The following SHROOM2 variants were observed in gnomAD, a reference collection of about 807,000 sequenced individuals.
SHROOM2 encodes the protein protein Shroom2.
Under a neutral mutation model 75.9 loss-of-function variants are expected in SHROOM2, and 33 were observed. The observed-to-expected ratio is 0.43, with a 90% CI of 0.33 to 0.58. The LOEUF is 0.58. Ranked by LOEUF, SHROOM2 falls within the 20% of genes least tolerant of loss-of-function variation. SHROOM2 has a pLI of 0.04. For missense variants in SHROOM2, 1,434 were observed against 1,461.2 expected (o/e 0.98, Z 0.30); for synonymous variants, 655 against 663.6 (o/e 0.99, Z 0.20).
rs1306327763 is a variant in SHROOM2, at chrX:9,914,067, G to GCC, written c.2891+15783_2891+15784dup. On this transcript the variant is annotated intron_variant, in intron 5 of 9. Coordinates refer to ENST00000380913, the MANE Select transcript of SHROOM2 (RefSeq NM_001649.4). Reference sequence around the variant, plus strand: ...CGCCTCCACCTGCGCCCACCCCCCTGCCCCCCCGCCCCTCCCGCCCCGATC... The same window carrying GCC: ...CGCCTCCACCTGCGCCCACCCCCCTGCCCCCCCCCGCCCCTCCCGCCCCGATC... 3.6e-4 allele frequency among the ~76,000 whole-genome samples: 8 copies of GCC among 22,189 alleles called. No individual in the cohort carries two copies. The East Asian group carries it at 9.8e-3, about 27-fold the overall frequency. The allele number at this position is 22,189 out of a possible 115,157, so 19.3% of individuals were successfully genotyped here.
In SHROOM2 at chrX:9,949,355, G is replaced by A. The variant is rs766613239; in HGVS notation, c.*2418G>A. Reference sequence around the variant, plus strand: ...CTTCAGTCCACCACAGCAAATGTGTGTAGATTTCATGCTCGACACTTACCA... The same window carrying A: ...CTTCAGTCCACCACAGCAAATGTGTATAGATTTCATGCTCGACACTTACCA... On this transcript the variant is annotated 3_prime_UTR_variant, in exon 10 of 10. Coordinates refer to ENST00000380913, the MANE Select transcript of SHROOM2 (RefSeq NM_001649.4). The A allele has an allele frequency of 6.1e-6, 2 of 329,036 alleles. No individual in the cohort carries two copies. The highest frequency in any genetic ancestry group is 2.0e-4 in the East Asian group (2 of 10,254). 27.1% of individuals were successfully genotyped at this position (329,036 alleles called of 1,213,427 possible). A position where few individuals can be genotyped will look rare whatever the true frequency, so the allele number is the denominator to read the frequency against.
chrX:9,943,628 C>A (rs2084791256), intron 8 of SHROOM2, among the ~76,000 whole-genome samples: 1 of 111,782 alleles, frequency 8.9e-6, no homozygotes, highest in Admixed American at 9.5e-5. Flanking sequence ...ATGGTGGTGA[C>A]AGGTGCATCG....
intron 6 of SHROOM2, among the ~76,000 whole-genome samples, chrX:9,933,866 TTTCTGTCTCA>T (rs2084674338): frequency 1.8e-5 from 2 of 112,303 alleles, no homozygotes; most frequent in Non-Finnish European, 3.8e-5. Context: ...AAGGGGAGAA[TTTCTGTCTCA>T]TTCTCTGGAG....
chrX:9,790,604 C>T (rs2083642141), intron 1 of SHROOM2, among the ~76,000 whole-genome samples: 1 of 111,108 alleles, frequency 9.0e-6, no homozygotes, highest in South Asian at 3.8e-4. Flanking sequence ...AAGTGATGTC[C>T]GAGTTGTAAA....
rs1212064507 is a variant in SHROOM2 at position 9,949,300 on chromosome X, GCCTA to G, written c.*2364_*2367del. ...TTGTAGTGTGGCTGTGGAGGGCTCTGCCTATGGGGGGTGGCCTGTGGCTTGTATC... is the reference window on the plus strand; with the variant it reads ...TTGTAGTGTGGCTGTGGAGGGCTCTGTGGGGGGTGGCCTGTGGCTTGTATC... On this transcript the variant is annotated 3_prime_UTR_variant, in exon 10 of 10. Transcript: ENST00000380913. 6.1e-6 allele frequency: 2 copies of G among 330,406 alleles called. No individual in the cohort carries two copies. Among genetic ancestry groups the G allele is most frequent in the Non-Finnish European group, 1.2e-5 (2 of 169,908 alleles). The allele number at this position is 330,406 out of a possible 1,213,427, so 27.2% of individuals were successfully genotyped here.
intron 1 of SHROOM2, among the ~76,000 whole-genome samples, chrX:9,835,727 G>GTT (rs5901419): frequency 2.1e-5 from 2 of 95,936 alleles, no homozygotes; most frequent in Non-Finnish European, 2.1e-5. Flanking sequence ...CTCTCTTCAT[G>GTT]TTTTTTTTTT....
At chrX:9,817,231 C>T (rs184559058) in intron 1 of SHROOM2, among the ~76,000 whole-genome samples, 4 of 110,212 alleles carry the variant, frequency 3.6e-5, no homozygotes, top group Non-Finnish European at 7.6e-5. Flanking sequence ...CCTCGGCCTC[C>T]CAAAGTGCTG....
intron 1 of SHROOM2, among the ~76,000 whole-genome samples, chrX:9,808,908 A>T (rs1225206082): frequency 9.1e-6 from 1 of 110,497 alleles, no homozygotes; most frequent in Non-Finnish European, 1.9e-5. Flanking sequence ...CATGTCACAA[A>T]ATTCGCCATG....
intron 1 of SHROOM2, among the ~76,000 whole-genome samples, chrX:9,797,039 C>G (rs1384171538): frequency 8.9e-6 from 1 of 112,202 alleles, no homozygotes; most frequent in East Asian, 2.8e-4. Context: ...TTTCTTCACT[C>G]TTTCAATCTT....
chrX:9,846,155 T>A (rs1376850614), intron 1 of SHROOM2, among the ~76,000 whole-genome samples: 1 of 109,914 alleles, frequency 9.1e-6, no homozygotes, highest in Non-Finnish European at 1.9e-5. Flanking sequence ...GATCTCACTC[T>A]GTTGCCCAGG....
At chrX:9,845,066 G>A (rs928510193) in intron 1 of SHROOM2, among the ~76,000 whole-genome samples, 2 of 110,748 alleles carry the variant, frequency 1.8e-5, no homozygotes, top group Non-Finnish European at 3.8e-5. Context: ...GTTCTCTGTG[G>A]GACTCCTCAG....
intron 1 of SHROOM2, among the ~76,000 whole-genome samples, chrX:9,839,155 A>C (rs1329367755): frequency 9.0e-6 from 1 of 111,502 alleles, no homozygotes; most frequent in African/African-American, 3.3e-5. Flanking sequence ...ACAATACAGG[A>C]GTATTGTTTC....
Position 9,937,221 on chromosome X carries a change from C to T in SHROOM2, c.3675C>T (p.Ser1225=). The T allele has an allele frequency of 8.3e-7, 1 of 1,205,750 alleles. No homozygotes were observed. The highest frequency in any genetic ancestry group is 1.1e-6 in the Non-Finnish European group (1 of 892,531). The change falls in exon 7 of 10, where the codon AGC becomes AGT. Residue 1225 remains serine (S), a synonymous_variant. Transcript: ENST00000380913. ...VHSESQPEKE[S]RQSLACPAEP... is the part of the protein sequence containing the mutation. Reference sequence around the variant, plus strand: ...CGGAGAGCCAGCCAGAGAAGGAGAGCCGCCAGAGCCTGGCATGCCCCGCCG... The same window carrying T: ...CGGAGAGCCAGCCAGAGAAGGAGAGTCGCCAGAGCCTGGCATGCCCCGCCG...
intron 3 of SHROOM2, among the ~76,000 whole-genome samples, chrX:9,891,984 G>T (rs1399419896): frequency 9.0e-6 from 1 of 110,576 alleles, no homozygotes; most frequent in Non-Finnish European, 1.9e-5. Context: ...TCTTGGCTGG[G>T]CGCAATGGTT....
chrX:9,860,559 G>A (rs1238511619), intron 1 of SHROOM2, among the ~76,000 whole-genome samples: 1 of 111,512 alleles, frequency 9.0e-6, no homozygotes, highest in Non-Finnish European at 1.9e-5. Context: ...GAGTAGCTGG[G>A]ATTATAGGCA....
At position 9,873,638 on chromosome X, in the gene SHROOM2, C is replaced by T. The variant is rs779929341; in HGVS notation, c.166-14C>T. The T allele has an allele frequency of 2.0e-5, 24 of 1,210,900 alleles. No homozygotes were observed. In the South Asian group the frequency reaches 4.2e-4, roughly 21 times the overall value. On this transcript the variant is annotated splice_polypyrimidine_tract_variant and intron_variant, in intron 1 of 9. Coordinates refer to ENST00000380913, the MANE Select transcript of SHROOM2 (RefSeq NM_001649.4). ...GCTCGTGGAAGGCTCATGGAACATG[C>T]TTCTCTGTTACAGATTGAAGAGGGC...
chrX:9,938,859 A>C (rs921480198), intron 7 of SHROOM2, among the ~76,000 whole-genome samples: 1 of 111,844 alleles, frequency 8.9e-6, no homozygotes, highest in African/African-American at 3.2e-5. Context: ...AGATAGCGTC[A>C]CACATGTCCT....
At chrX:9,812,523 C>G (rs945305573) in intron 1 of SHROOM2, among the ~76,000 whole-genome samples, 2 of 112,066 alleles carry the variant, frequency 1.8e-5, no homozygotes, top group Non-Finnish European at 3.8e-5. Flanking sequence ...TCGACAGGCC[C>G]CATACCATTG....
intron 1 of SHROOM2, among the ~76,000 whole-genome samples, chrX:9,793,246 A>C (rs2083677109): frequency 9.1e-6 from 1 of 109,760 alleles, no homozygotes; most frequent in Non-Finnish European, 1.9e-5. Flanking sequence ...ACTTTTGTTT[A>C]TTAGCTTGTT....
Sources: allele counts gnomAD v4.1 joint callset (sites outside exome capture counted in the v4.1 genomes callset), GRCh38; gene constraint gnomAD v4.1.1; transcripts MANE v1.5; gene names NCBI Gene and HGNC (gene_info 2026-07-23, HGNC 2026-07-21).